Variants in PTPRT observed in about 807,000 individuals in gnomAD.
PTPRT encodes the protein receptor-type tyrosine-protein phosphatase T.
Under a neutral mutation model 176.8 loss-of-function variants are expected in PTPRT, and 56 were observed. The observed-to-expected ratio is 0.32, with a 90% confidence interval of 0.26 to 0.40. The LOEUF (loss-of-function observed/expected upper bound fraction) is 0.40, where lower values mean the gene tolerates loss of function less well. Ranked by LOEUF, PTPRT falls within the 10% of genes least tolerant of loss-of-function variation. The probability of loss-of-function intolerance (pLI) is 1.00; values close to 1 mark genes in which losing one functional copy is unlikely to be tolerated. For missense variants in PTPRT, 1,540 were observed against 1,908.2 expected (o/e 0.81, Z 3.60); for synonymous variants, 783 against 739.0 (o/e 1.06, Z -0.96).
In PTPRT at chr20:42,631,231, T is replaced by C. The variant is rs138945707; in HGVS notation, c.1153+46635A>G. On this transcript the variant is annotated intron_variant, in intron 7 of 30. Transcript: ENST00000373187. Reference sequence around the variant, plus strand: ...GAGAGTGGGGTGAGATGGATGAACTTCTCTACCACCTGGTGATGAAATACA... The same window carrying C: ...GAGAGTGGGGTGAGATGGATGAACTCCTCTACCACCTGGTGATGAAATACA... 7.5e-4 allele frequency among the ~76,000 whole-genome samples: 114 copies of C among 152,240 alleles called. 2 individuals carry two copies. The highest frequency in any genetic ancestry group is 2.5e-3 in the African/African-American group (105 of 41,540).
chr20:42,361,245 A>G (rs1168823105), intron 9 of PTPRT, among the ~76,000 whole-genome samples: 2 of 152,230 alleles, frequency 1.3e-5, no homozygotes, highest in African/African-American at 4.8e-5. Context: ...GTTGGTGCTC[A>G]GTAACTATGT....
chr20:42,354,189 C>A (rs960253278), intron 9 of PTPRT, among the ~76,000 whole-genome samples: 1 of 152,198 alleles, frequency 6.6e-6, no homozygotes, highest in Non-Finnish European at 1.5e-5. Flanking sequence ...GTTTTCCTCA[C>A]ACTCCCTTGC....
At chr20:42,093,264 A>G (rs1984827769) in intron 27 of PTPRT, among the ~76,000 whole-genome samples, 1 of 152,166 alleles carries the variant, frequency 6.6e-6, no homozygotes, top group Non-Finnish European at 1.5e-5. Context: ...GTGGTTGAAA[A>G]TGTTCTTTCT....
intron 15 of PTPRT, among the ~76,000 whole-genome samples, chr20:42,230,254 G>A (rs1311836559): frequency 1.3e-5 from 2 of 152,170 alleles, no homozygotes; most frequent in Admixed American, 6.5e-5. Context: ...CCCAGGTCAC[G>A]GTTTTCTGCC....
intron 1 of PTPRT, among the ~76,000 whole-genome samples, chr20:42,981,502 T>G (rs915585565): frequency 6.6e-6 from 1 of 152,214 alleles, no homozygotes; most frequent in African/African-American, 2.4e-5. Flanking sequence ...GAAGAAGTAC[T>G]TGCGCATTGG....
intron 2 of PTPRT, among the ~76,000 whole-genome samples, chr20:42,866,166 A>G (rs769668957): frequency 3.3e-5 from 5 of 152,164 alleles, no homozygotes; most frequent in Non-Finnish European, 5.9e-5. Flanking sequence ...GCTCACTGAG[A>G]CCCAAGGTCT....
intron 9 of PTPRT, among the ~76,000 whole-genome samples, chr20:42,399,457 G>A (rs376049386): frequency 8.5e-5 from 13 of 152,156 alleles, no homozygotes; most frequent in African/African-American, 3.1e-4. Context: ...AAACCAAGAA[G>A]TCTAAATAAC....
intron 15 of PTPRT, among the ~76,000 whole-genome samples, chr20:42,205,277 A>G (rs1405737908): frequency 1.3e-5 from 2 of 152,072 alleles, no homozygotes; most frequent in African/African-American, 4.8e-5. Flanking sequence ...TTAAGGCCCA[A>G]CTCAAATGTC....
intron 1 of PTPRT, among the ~76,000 whole-genome samples, chr20:43,045,256 C>G (rs1986784502): frequency 6.6e-6 from 1 of 152,176 alleles, no homozygotes; most frequent in Admixed American, 6.5e-5. Context: ...CATAATACCT[C>G]TTCTCCCTAA....
chr20:42,735,099 G>A (rs1225856455), intron 6 of PTPRT, among the ~76,000 whole-genome samples: 1 of 152,228 alleles, frequency 6.6e-6, no homozygotes, highest in Non-Finnish European at 1.5e-5. Flanking sequence ...TTATCAACAT[G>A]TGTATTACTA....
chr20:42,599,301 A>C (rs899570061), intron 7 of PTPRT, among the ~76,000 whole-genome samples: 5 of 152,186 alleles, frequency 3.3e-5, no homozygotes, highest in African/African-American at 1.2e-4. Flanking sequence ...GGGTTTGATG[A>C]GCAGAGACAT....
At chr20:43,118,472 C>G (rs548402692) in intron 1 of PTPRT, among the ~76,000 whole-genome samples, 1 of 152,300 alleles carries the variant, frequency 6.6e-6, no homozygotes, top group Admixed American at 6.5e-5. Flanking sequence ...GAGTCTCACT[C>G]TGTCACCCAG....
chr20:42,339,456 G>A (rs974134964), intron 11 of PTPRT, among the ~76,000 whole-genome samples: 2 of 152,200 alleles, frequency 1.3e-5, no homozygotes, highest in Non-Finnish European at 2.9e-5. Flanking sequence ...TCCAAAAGCT[G>A]TAAACTCAAC....
At chr20:43,042,217 T>C (rs932823060) in intron 1 of PTPRT, among the ~76,000 whole-genome samples, 1 of 152,214 alleles carries the variant, frequency 6.6e-6, no homozygotes, top group Non-Finnish European at 1.5e-5. Flanking sequence ...AGTGGTGTCA[T>C]AGCTCCAGCA....
chr20:42,751,315 G>GTAACTAGA (rs1569133410), intron 6 of PTPRT, among the ~76,000 whole-genome samples: 2 of 152,270 alleles, frequency 1.3e-5, no homozygotes, highest in East Asian at 3.9e-4. Context: ...GGTGGTCCAT[G>GTAACTAGA]TAACTAGATG....
At chr20:42,201,729 G>GC (rs1991456905) in intron 15 of PTPRT, among the ~76,000 whole-genome samples, 1 of 61,154 alleles carries the variant, frequency 1.6e-5, no homozygotes. Flanking sequence ...AGAACCAGAG[G>GC]CAAAAAAAAA....
At chr20:42,380,237 G>T (rs2058686463) in intron 9 of PTPRT, among the ~76,000 whole-genome samples, 1 of 152,146 alleles carries the variant, frequency 6.6e-6, no homozygotes, top group African/African-American at 2.4e-5. Flanking sequence ...TCCCTGTGGA[G>T]ACTGGATCCC....
intron 5 of PTPRT, among the ~76,000 whole-genome samples, chr20:42,763,088 TA>T (rs1474043327): frequency 6.6e-6 from 1 of 152,192 alleles, no homozygotes; most frequent in Non-Finnish European, 1.5e-5. Context: ...AGGAACCACC[TA>T]AAGAGGAAGG....
At chr20:43,035,698 G>A (rs564272087) in intron 1 of PTPRT, among the ~76,000 whole-genome samples, 18 of 152,236 alleles carry the variant, frequency 1.2e-4, no homozygotes, top group Non-Finnish European at 1.8e-4. Context: ...ATGCTTGGAT[G>A]TCAAAGCTAA....
Sources: allele counts gnomAD v4.1 joint callset (sites outside exome capture counted in the v4.1 genomes callset), GRCh38; gene constraint gnomAD v4.1.1; transcripts MANE v1.5; gene names NCBI Gene and HGNC (gene_info 2026-07-23, HGNC 2026-07-21).